The following PLEKHA7 variants were observed in gnomAD, a reference collection of about 807,000 sequenced individuals.
PLEKHA7 encodes pleckstrin homology domain containing A7, also known as pleckstrin homology domain-containing family A member 7.
A neutral mutation model predicts 170.0 loss-of-function variants in PLEKHA7; 104 were observed. That is an observed-to-expected ratio of 0.61 (90% CI 0.52 to 0.72). The LOEUF is 0.72. Ranked by LOEUF, PLEKHA7 falls within the 30% of genes least tolerant of loss-of-function variation. The probability of loss-of-function intolerance (pLI) is 0.00; values close to 1 mark genes in which losing one functional copy is unlikely to be tolerated. For synonymous variants in PLEKHA7, 648 were observed against 660.8 expected (o/e 0.98, Z 0.30); for missense variants, 1,615 against 1,671.7 (o/e 0.97, Z 0.59).
chr11:16,873,715 G>A (rs1455045254), intron 3 of PLEKHA7, among the ~76,000 whole-genome samples: 2 of 152,198 alleles, frequency 1.3e-5, no homozygotes, highest in African/African-American at 2.4e-5. Flanking sequence ...CGCCCAGGCT[G>A]GAGTGCAATG....
At chr11:17,013,886 C>A (rs1865481613) in intron 3 of PLEKHA7, 103 bp downstream of exon 3, 3 of 1,295,242 alleles carry the variant, frequency 2.3e-6, no homozygotes, top group Non-Finnish European at 1.0e-6. Context: ...CGCCAACGAG[C>A]CCGGGCCGGC....
intron 3 of PLEKHA7, among the ~76,000 whole-genome samples, chr11:17,004,282 T>C (rs966799216): frequency 6.6e-6 from 1 of 152,204 alleles, no homozygotes; most frequent in Non-Finnish European, 1.5e-5. Flanking sequence ...ATTAGACCTA[T>C]GGCTGAAATG....
intron 3 of PLEKHA7, chr11:16,974,626 GT>G (rs397965149): frequency 0.02 from 2,901 of 148,498 alleles, 8 homozygotes; most frequent in East Asian, 0.075. Flanking sequence ...GATTTCACAG[GT>G]TTTTTTTTTT....
intron 3 of PLEKHA7, among the ~76,000 whole-genome samples, chr11:16,877,237 G>A (rs1855370148): frequency 6.6e-6 from 1 of 152,088 alleles, no homozygotes; most frequent in Non-Finnish European, 1.5e-5. Flanking sequence ...CCCCAGGCTT[G>A]TAAAGCCACT....
chr11:16,916,437 A>G (rs954059612), intron 3 of PLEKHA7, among the ~76,000 whole-genome samples: 17 of 152,284 alleles, frequency 1.1e-4, no homozygotes, highest in African/African-American at 4.1e-4. Flanking sequence ...CAGCCCCACT[A>G]CTTACAAGCT....
intron 3 of PLEKHA7, among the ~76,000 whole-genome samples, chr11:16,972,500 C>A (rs1862784011): frequency 6.6e-6 from 1 of 152,172 alleles, no homozygotes; most frequent in African/African-American, 2.4e-5. Flanking sequence ...CAGCCTCCAT[C>A]TCCAGGCTCA....
chr11:16,966,581 G>A (rs931392439), intron 3 of PLEKHA7, among the ~76,000 whole-genome samples: 4 of 152,178 alleles, frequency 2.6e-5, no homozygotes, highest in Admixed American at 2.6e-4. Flanking sequence ...CAGAAGGGGC[G>A]TAACTGAGAT....
intron 6 of PLEKHA7, among the ~76,000 whole-genome samples, chr11:16,852,706 AT>A (rs1385971205): frequency 1.3e-5 from 2 of 152,208 alleles, no homozygotes; most frequent in African/African-American, 4.8e-5. Context: ...AAATACCTTC[AT>A]TTATGCTGAC....
chr11:16,878,849 A>G (rs998697912), intron 3 of PLEKHA7, among the ~76,000 whole-genome samples: 2 of 152,232 alleles, frequency 1.3e-5, no homozygotes, highest in Admixed American at 1.3e-4. Context: ...CAGCCATCAG[A>G]AGGCAGTTGG....
intron 4 of PLEKHA7, among the ~76,000 whole-genome samples, chr11:16,865,971 G>A (rs1365314809): frequency 6.6e-6 from 1 of 151,678 alleles, no homozygotes; most frequent in Non-Finnish European, 1.5e-5. Context: ...CCGAGTAGCT[G>A]GGATTACAGG....
chr11:17,010,283 G>C (rs1477390235), intron 3 of PLEKHA7, among the ~76,000 whole-genome samples: 4 of 152,034 alleles, frequency 2.6e-5, no homozygotes, highest in Admixed American at 6.6e-5. Context: ...AGCTACTTAG[G>C]GGGTGGCCGA....
chr11:16,861,459 G>A (rs1418974413), intron 4 of PLEKHA7, among the ~76,000 whole-genome samples: 1 of 151,970 alleles, frequency 6.6e-6, no homozygotes, highest in Non-Finnish European at 1.5e-5. Context: ...TCAAGACCTG[G>A]GCAACATAAT....
chr11:16,786,924 C>T (rs1324998745), intron 23 of PLEKHA7: 7 of 985,380 alleles, frequency 7.1e-6, no homozygotes, highest in Non-Finnish European at 8.4e-6. Flanking sequence ...CAAGCAAAAG[C>T]AGCTTGGAGC....
chr11:16,949,051 AC>A (rs1861238181), intron 3 of PLEKHA7, among the ~76,000 whole-genome samples: 1 of 151,998 alleles, frequency 6.6e-6, no homozygotes. Flanking sequence ...CACTCCATAC[AC>A]TGGATTTCTT....
chr11:16,885,755 A>G (rs1856047299), intron 3 of PLEKHA7, among the ~76,000 whole-genome samples: 2 of 151,950 alleles, frequency 1.3e-5, no homozygotes, highest in Admixed American at 6.6e-5. Flanking sequence ...GCACTTTGGG[A>G]GGCCGAGGCG....
chr11:16,780,294 A>G (rs989821161), intron 26 of PLEKHA7, among the ~76,000 whole-genome samples: 1 of 152,174 alleles, frequency 6.6e-6, no homozygotes, highest in African/African-American at 2.4e-5. Flanking sequence ...ACTGCCTCTC[A>G]TCACTAGATG....
At chr11:16,881,000 G>A (rs953369285) in intron 3 of PLEKHA7, among the ~76,000 whole-genome samples, 1 of 152,180 alleles carries the variant, frequency 6.6e-6, no homozygotes, top group African/African-American at 2.4e-5. Context: ...GACAGAGGCA[G>A]ACCAGTTGTC....
At chr11:16,854,794 C>T (rs777680597) in intron 6 of PLEKHA7, 95 bp downstream of exon 6, 120 of 1,051,866 alleles carry the variant, frequency 1.1e-4, no homozygotes, top group Non-Finnish European at 1.7e-4. Context: ...GAACAGAAAG[C>T]TTATGTGCCC....
intron 26 of PLEKHA7, 38 bp downstream of exon 26, chr11:16,782,716 G>T: frequency 1.3e-6 from 2 of 1,533,268 alleles, no homozygotes; most frequent in Non-Finnish European, 1.7e-6. Flanking sequence ...GTGCAGTGGG[G>T]CAGGATCCAG....
Sources: allele counts gnomAD v4.1 joint callset (sites outside exome capture counted in the v4.1 genomes callset), GRCh38; gene constraint gnomAD v4.1.1; transcripts MANE v1.5; gene names NCBI Gene and HGNC (gene_info 2026-07-23, HGNC 2026-07-21).